GRIA2: variants seen among roughly 807,000 people sequenced by gnomAD.
The protein encoded by GRIA2 is glutamate ionotropic receptor AMPA type subunit 2, also known as glutamate receptor 2.
A neutral mutation model predicts 97.3 loss-of-function variants in GRIA2; 14 were observed. The ratio of observed to expected loss-of-function variants is 0.14; its 90% CI spans 0.10 to 0.23. GRIA2 has a LOEUF of 0.23. Ranked by LOEUF, GRIA2 falls within the 10% of genes least tolerant of loss-of-function variation. The pLI is 1.00. For missense variants in GRIA2, 558 were observed against 1,069.8 expected, an observed-to-expected ratio of 0.52 and a Z score of 6.67; for synonymous variants, 412 against 387.8, an observed-to-expected ratio of 1.06 and a Z score of -0.73.
intron 6 of GRIA2, among the ~76,000 whole-genome samples, chr4:157,323,431 A>ACC (rs913966171): frequency 8.2e-5 from 12 of 146,228 alleles, no homozygotes; most frequent in African/African-American, 3.0e-4. Context: ...GTAGATGGAT[A>ACC]CCCAGAGCCT....
Position 157,363,573 on chromosome 4 carries a change from A to C in GRIA2, c.*142A>C, listed in dbSNP as rs1201145161. ...TTACGTGAGTCCTGGCATGGGAATG[A>C]ATGTCAGTGTGACTGATCTCTCGTG... is the stretch of plus-strand genomic sequence containing the variant. On this transcript the variant is annotated 3_prime_UTR_variant, in exon 16 of 16. Coordinates refer to ENST00000264426, the MANE Select transcript of GRIA2 (RefSeq NM_001083619.3). 8.1e-7 allele frequency: 1 copy of C among 1,234,342 alleles called. No homozygotes were observed. Among genetic ancestry groups the C allele is most frequent in the African/African-American group, 1.5e-5 (1 of 64,544 alleles). 76.5% of individuals were successfully genotyped at this position (1,234,342 alleles called of 1,614,324 possible).
chr4:157,253,083 T>A (rs1273718638), intron 2 of GRIA2, among the ~76,000 whole-genome samples: 1 of 152,000 alleles, frequency 6.6e-6, no homozygotes, highest in African/African-American at 2.4e-5. Context: ...TTATTATTTT[T>A]TAAATGAACT....
chr4:157,321,419 C>A lies in GRIA2; in HGVS notation c.721-19C>A. On this transcript the variant is annotated intron_variant, in intron 5 of 15. Transcript: ENST00000264426. ...TGTTCTCAAACAAAAAGCGTGATATCAATGTGTTCTATGTTTAGGGATTTA... is the reference window on the plus strand; with the variant it reads ...TGTTCTCAAACAAAAAGCGTGATATAAATGTGTTCTATGTTTAGGGATTTA... 3 of 1,572,324 alleles carry A rather than the reference C, an allele frequency of 1.9e-6. No individual in the cohort carries two copies. The highest frequency in any genetic ancestry group is 1.4e-5 in the African/African-American group (1 of 73,352).
rs35080512 is a variant in GRIA2 at position 157,322,242 on chromosome 4, A to AGTGTGTGT, written c.882+676_882+683dup. ...GAGAGAGTGAGAAAGAGAGAGAGAG[A>AGTGTGTGT]GTGTGTGTGTGTGTGTGTGTGTGTG... is the stretch of plus-strand genomic sequence containing the variant. On this transcript the variant is annotated intron_variant, in intron 6 of 15. Coordinates refer to ENST00000264426, the MANE Select transcript of GRIA2 (RefSeq NM_001083619.3). 3.3e-4 allele frequency among the ~76,000 whole-genome samples: 45 copies of AGTGTGTGT among 137,240 alleles called. 2 individuals carry two copies. In the South Asian group the frequency reaches 0.01, roughly 31 times the overall value. The allele number at this position is 137,240 out of a possible 152,430, so 90.0% of individuals were successfully genotyped here.
At chr4:157,247,571 G>A (rs1416012842) in intron 2 of GRIA2, among the ~76,000 whole-genome samples, 1 of 152,150 alleles carries the variant, frequency 6.6e-6, no homozygotes, top group Non-Finnish European at 1.5e-5. Context: ...CATTATTCCA[G>A]GACTGAGACC....
chr4:157,363,483 G>A lies in GRIA2; in HGVS notation c.*52G>A. The A allele has an allele frequency of 8.1e-7, 1 of 1,240,108 alleles. No individual in the cohort carries two copies. Among genetic ancestry groups the A allele is most frequent in the Non-Finnish European group, 1.0e-6 (1 of 990,952 alleles). 76.8% of individuals were successfully genotyped at this position (1,240,108 alleles called of 1,614,324 possible). ...GAACAAGGCAAGGCTGTCAATTACA[G>A]GAAGTACTGGAGAAAATGGACGTGT... On this transcript the variant is annotated 3_prime_UTR_variant, in exon 16 of 16. Coordinates refer to ENST00000264426, the MANE Select transcript of GRIA2 (RefSeq NM_001083619.3).
At chr4:157,347,602 T>C (rs1025321652) in intron 12 of GRIA2, among the ~76,000 whole-genome samples, 2 of 152,204 alleles carry the variant, frequency 1.3e-5, no homozygotes, top group Non-Finnish European at 2.9e-5. Flanking sequence ...ATTGTACAGG[T>C]GCTTTAAATG....
intron 2 of GRIA2, among the ~76,000 whole-genome samples, chr4:157,292,207 A>G (rs1260012405): frequency 6.6e-6 from 1 of 152,104 alleles, no homozygotes; most frequent in East Asian, 1.9e-4. Context: ...AAAAAAGTGT[A>G]GTAATTAAAA....
intron 2 of GRIA2, 63 bp from the exon 3 acceptor site, chr4:157,303,489 A>G: frequency 6.9e-7 from 1 of 1,441,256 alleles, no homozygotes; most frequent in Non-Finnish European, 9.7e-7. Flanking sequence ...CGTTTTAAGC[A>G]AATTCATATG....
At chr4:157,258,721 C>A (rs1291569509) in intron 2 of GRIA2, among the ~76,000 whole-genome samples, 1 of 152,030 alleles carries the variant, frequency 6.6e-6, no homozygotes, top group Admixed American at 6.6e-5. Flanking sequence ...TGGGGCATCA[C>A]AGAACCTGCC....
intron 6 of GRIA2, among the ~76,000 whole-genome samples, chr4:157,325,545 T>G (rs1048873851): frequency 6.6e-6 from 1 of 152,240 alleles, no homozygotes; most frequent in Non-Finnish European, 1.5e-5. Flanking sequence ...AATTAAATTG[T>G]AGCATTGATG....
chr4:157,293,662 G>T (rs1733205290), intron 2 of GRIA2, among the ~76,000 whole-genome samples: 1 of 152,026 alleles, frequency 6.6e-6, no homozygotes, highest in South Asian at 2.1e-4. Context: ...TTGAATTACA[G>T]ACATTTAATT....
At chr4:157,295,393 A>G (rs1270432002) in intron 2 of GRIA2, among the ~76,000 whole-genome samples, 1 of 152,136 alleles carries the variant, frequency 6.6e-6, no homozygotes. Flanking sequence ...CTATAGGGAA[A>G]ATCATCATTG....
intron 4 of GRIA2, among the ~76,000 whole-genome samples, chr4:157,317,270 T>A (rs937873203): frequency 3.3e-5 from 5 of 152,206 alleles, no homozygotes; most frequent in Non-Finnish European, 5.9e-5. Flanking sequence ...CAGTTTGAGA[T>A]GTTTAATGTT....
intron 2 of GRIA2, among the ~76,000 whole-genome samples, chr4:157,222,034 G>C (rs1188875022): frequency 5.3e-5 from 8 of 152,128 alleles, no homozygotes; most frequent in African/African-American, 1.9e-4. Context: ...AGGACGTCAA[G>C]AGTGTGCGCA....
intron 2 of GRIA2, among the ~76,000 whole-genome samples, chr4:157,258,218 T>C (rs1731365833): frequency 2.0e-5 from 3 of 152,070 alleles, no homozygotes; most frequent in Admixed American, 2.0e-4. Context: ...TCTGGCTGCC[T>C]GAGAGCCGGG....
chr4:157,321,286 TGATA>T, intron 5 of GRIA2, 148 bp from the exon 6 acceptor site: 1 of 584,646 alleles, frequency 1.7e-6, no homozygotes, highest in South Asian at 2.3e-5. Flanking sequence ...GAACACTGGC[TGATA>T]AATACATGGG....
Position 157,220,756 on chromosome 4 carries a change from T to C in GRIA2, c.-287T>C, listed in dbSNP as rs1485546197. The C allele has an allele frequency of 8.1e-6, 4 of 493,698 alleles. No homozygotes were observed. Among genetic ancestry groups the C allele is most frequent in the Non-Finnish European group, 1.5e-5 (4 of 272,180 alleles). The allele number at this position is 493,698 out of a possible 1,614,324, so 30.6% of individuals were successfully genotyped here. A position where few individuals can be genotyped will look rare whatever the true frequency, so the allele number is the denominator to read the frequency against. ...TGTGTGTGAGTGCATGGGAGGGTGC[T>C]GAATATTCCGAGACACTGGGACCAC... On this transcript the variant is annotated 5_prime_UTR_variant, in exon 1 of 16. An upstream open reading frame in the 5' UTR loses its in-frame stop. Transcript: ENST00000264426.
At chr4:157,245,113 G>C (rs1170768372) in intron 2 of GRIA2, among the ~76,000 whole-genome samples, 1 of 151,968 alleles carries the variant, frequency 6.6e-6, no homozygotes, top group Admixed American at 6.6e-5. Context: ...CAGTAAATGA[G>C]GTGATTATTT....
Sources: gnomAD v4.1 joint callset for allele counts (sites outside exome capture counted in the v4.1 genomes callset) on GRCh38, gnomAD v4.1.1 for gene constraint, MANE v1.5 for transcripts, NCBI Gene and HGNC (gene_info 2026-07-23, HGNC 2026-07-21) for gene names.